Variants in PHF10 observed in about 807,000 individuals in gnomAD.
PHF10 encodes the protein BRG1-associated factor 45a.
A neutral mutation model predicts 68.5 loss-of-function variants in PHF10; 51 were observed. That is an observed-to-expected ratio of 0.74 (90% CI 0.59 to 0.94). The LOEUF (loss-of-function observed/expected upper bound fraction) is 0.94, where lower values mean the gene tolerates loss of function less well. Ranked by LOEUF, PHF10 falls within the 40% of genes least tolerant of loss-of-function variation. PHF10 has a pLI of 0.00. For synonymous variants in PHF10, 204 were observed against 203.5 expected (o/e 1.00, Z -0.02); for missense variants, 460 against 602.6 (o/e 0.76, Z 2.48).
At chr6:169,708,452 A>G (rs1788856144) in intron 9 of PHF10, 1 of 152,076 alleles carries the variant, frequency 6.6e-6, no homozygotes, top group Non-Finnish European at 1.5e-5. Context: ...GAAGTACCCT[A>G]ATATTTAGGC....
In PHF10 at chr6:169,707,893, G is replaced by C. The variant is rs572526787; in HGVS notation, c.1114-2169C>G. 4 of 152,158 alleles carry C rather than the reference G, an allele frequency of 2.6e-5. No homozygotes were observed. In the East Asian group the frequency reaches 5.8e-4, roughly 22 times the overall value. The allele number at this position is 152,158 out of a possible 1,614,324, so 9.4% of individuals were successfully genotyped here. On this transcript the variant is annotated intron_variant, in intron 9 of 11. Transcript: ENST00000339209. ...TTTTCTACGATGAATGCTGCAGCTC[G>C]ATATACAAAGCATCTGCCCTCTCTA...
intron 1 of PHF10, among the ~76,000 whole-genome samples, chr6:169,723,428 C>T (rs1365356652): frequency 6.6e-6 from 1 of 152,218 alleles, no homozygotes; most frequent in South Asian, 2.1e-4. Context: ...TATCGTTCGC[C>T]ACTCGGTTTT....
Position 169,718,938 on chromosome 6 carries a change from T to C in PHF10, c.195-20A>G, listed in dbSNP as rs779565679. ...CTAAAACTAAGTACAGAAATACATA[T>C]TATGCATTAAATGTAGCTTTCATTA... is the stretch of plus-strand genomic sequence containing the variant. On this transcript the variant is annotated intron_variant, in intron 2 of 11. Coordinates refer to ENST00000339209, the MANE Select transcript of PHF10 (RefSeq NM_018288.4). 9 of 1,468,064 alleles carry C rather than the reference T, an allele frequency of 6.1e-6. No homozygotes were observed. The highest frequency in any genetic ancestry group is 8.5e-6 in the Non-Finnish European group (9 of 1,055,000). The allele number at this position is 1,468,064 out of a possible 1,614,324, so 90.9% of individuals were successfully genotyped here.
chr6:169,706,753 C>T (rs1026602181), intron 9 of PHF10, among the ~76,000 whole-genome samples: 141 of 151,148 alleles, frequency 9.3e-4, no homozygotes, highest in Non-Finnish European at 1.7e-3. Context: ...CACACACACA[C>T]ACACACACAC....
chr6:169,723,098 G>GCACAC lies in PHF10; in HGVS notation c.87+746_87+747insGTGTG, dbSNP rs1447275515. On this transcript the variant is annotated intron_variant, in intron 1 of 11. Coordinates refer to ENST00000339209, the MANE Select transcript of PHF10 (RefSeq NM_018288.4). ...CCTGCCAACGCGCACACGGCACACC[G>GCACAC]CGCACCGCACGAAGGCTGGCTGGCT... Among the ~76,000 whole-genome samples the GCACAC allele has an allele frequency of 1.1e-4, 17 of 152,326 alleles. 1 individual carries two copies. Among genetic ancestry groups the GCACAC allele is most frequent in the South Asian group, 6.2e-4 (3 of 4,826 alleles).
Position 169,718,910 on chromosome 6 carries a change from TAACTAA to T in PHF10, c.197_202del (p.Phe66_Ser67del). ...CTCTATCAAGTTTTCTGCTGGATAG[TAACTAA>T]AACTAAGTACAGAAATACATATTAT... On this transcript the variant is annotated inframe_deletion and splice_region_variant, in exon 3 of 12. Coordinates refer to ENST00000339209, the MANE Select transcript of PHF10 (RefSeq NM_018288.4). The T allele has an allele frequency of 6.4e-6, 10 of 1,574,718 alleles. No individual in the cohort carries two copies. The highest frequency in any genetic ancestry group is 2.2e-5 in the East Asian group (1 of 44,576).
At position 169,724,059 on chromosome 6, in the gene PHF10, G is replaced by T. The variant is rs1789262558; in HGVS notation, c.-128C>A. 8.0e-6 allele frequency: 1 copy of T among 125,456 alleles called. No homozygotes were observed. The highest frequency in any genetic ancestry group is 1.7e-5 in the Non-Finnish European group (1 of 59,040). The allele number at this position is 125,456 out of a possible 1,614,324, so 7.8% of individuals were successfully genotyped here. A position where few individuals can be genotyped will look rare whatever the true frequency, so the allele number is the denominator to read the frequency against. On this transcript the variant is annotated 5_prime_UTR_variant, in exon 1 of 12. Transcript: ENST00000339209. ...CCGCCGCCCCGGCCCCGCCCCCTCCGCCCGCCCGCCCGGGGGCCGGCCCCT... is the reference window on the plus strand; with the variant it reads ...CCGCCGCCCCGGCCCCGCCCCCTCCTCCCGCCCGCCCGGGGGCCGGCCCCT...
chr6:169,710,146 A>G, intron 9 of PHF10, 90 bp downstream of exon 9: 1 of 950,596 alleles, frequency 1.1e-6, no homozygotes, highest in Non-Finnish European at 1.6e-6. Context: ...TACAGCAGGC[A>G]GAAGCTCCAC....
At chr6:169,713,429 T>C (rs1788970908) in intron 7 of PHF10, among the ~76,000 whole-genome samples, 2 of 151,732 alleles carry the variant, frequency 1.3e-5, no homozygotes, top group African/African-American at 4.8e-5. Context: ...TGAAACCCCG[T>C]CTCTACTAAA....
At chr6:169,722,577 A>T (rs913535242) in intron 1 of PHF10, among the ~76,000 whole-genome samples, 3 of 152,244 alleles carry the variant, frequency 2.0e-5, no homozygotes, top group African/African-American at 7.2e-5. Flanking sequence ...TTACTACTAC[A>T]AATTCTAGGC....
chr6:169,708,221 A>G (rs1489679104), intron 9 of PHF10: 3 of 152,226 alleles, frequency 2.0e-5, no homozygotes, highest in African/African-American at 7.2e-5. Flanking sequence ...ACAGCCAAAG[A>G]TAAGACTTTC....
At chr6:169,722,324 T>A (rs1039986466) in intron 1 of PHF10, among the ~76,000 whole-genome samples, 1 of 152,180 alleles carries the variant, frequency 6.6e-6, no homozygotes, top group Non-Finnish European at 1.5e-5. Flanking sequence ...CTCTGAAAAT[T>A]TGCATAAGTA....
In PHF10 at chr6:169,720,999, C is replaced by T; in HGVS notation, c.194+6G>A. ...AAAATATTAATAACCGATAAAATGACAGTACCCAAGATCTTGACTTGAAGT... is the reference window on the plus strand; with the variant it reads ...AAAATATTAATAACCGATAAAATGATAGTACCCAAGATCTTGACTTGAAGT... On this transcript the variant is annotated splice_donor_region_variant and intron_variant, in intron 2 of 11. Coordinates refer to ENST00000339209, the MANE Select transcript of PHF10 (RefSeq NM_018288.4). The T allele has an allele frequency of 6.8e-7, 1 of 1,464,590 alleles. No homozygotes were observed. The allele number at this position is 1,464,590 out of a possible 1,614,324, so 90.7% of individuals were successfully genotyped here.
chr6:169,704,288 G>T, intron 11 of PHF10, 200 bp from the exon 12 acceptor site: 1 of 512,180 alleles, frequency 2.0e-6, no homozygotes, highest in Non-Finnish European at 3.5e-6. Context: ...AAAATTCATT[G>T]CAAGTCAAGG....
At chr6:169,718,152 G>A (rs1439427817) in intron 3 of PHF10, among the ~76,000 whole-genome samples, 1 of 152,128 alleles carries the variant, frequency 6.6e-6, no homozygotes, top group African/African-American at 2.4e-5. Flanking sequence ...TACTAAACTA[G>A]TTCATGAGGA....
rs1206663921 is a variant in PHF10, at chr6:169,723,983, G to GGCCGCCGCCGCCGCC, written c.-53_-52insGGCGGCGGCGGCGGC. The GGCCGCCGCCGCCGCC allele has an allele frequency of 2.0e-6, 1 of 507,074 alleles. No homozygotes were observed. The highest frequency in any genetic ancestry group is 2.2e-5 in the African/African-American group (1 of 45,494). The allele number at this position is 507,074 out of a possible 1,614,324, so 31.4% of individuals were successfully genotyped here. A position where few individuals can be genotyped will look rare whatever the true frequency, so the allele number is the denominator to read the frequency against. On this transcript the variant is annotated 5_prime_UTR_variant, in exon 1 of 12. Transcript: ENST00000339209. Reference sequence around the variant, plus strand: ...GCCGCCGTCGCCTCCGCCTTGTCCCGGCCGCCGCCGCCGCTGCCGCCGCCG... The same window carrying GGCCGCCGCCGCCGCC: ...GCCGCCGTCGCCTCCGCCTTGTCCCGGCCGCCGCCGCCGCCGCCGCCGCCGCCGCTGCCGCCGCCG...
intron 9 of PHF10, 28 bp downstream of exon 9, chr6:169,710,208 A>T: frequency 6.5e-7 from 1 of 1,547,456 alleles, no homozygotes; most frequent in Non-Finnish European, 8.7e-7. Context: ...TCAGTAAAGA[A>T]GCTGAGTCAG....
intron 4 of PHF10, 32 bp from the exon 5 acceptor site, chr6:169,716,120 A>C (rs767709174): frequency 1.5e-5 from 22 of 1,458,440 alleles, no homozygotes; most frequent in Middle Eastern, 3.6e-4. Context: ...AAAAATAAAG[A>C]AGCTCTTTTA....
intron 8 of PHF10, among the ~76,000 whole-genome samples, chr6:169,711,904 A>G: frequency 6.6e-6 from 1 of 152,170 alleles, no homozygotes; most frequent in East Asian, 1.9e-4. Flanking sequence ...GAATACACCA[A>G]CTGCCCACTG....
Sources: allele counts gnomAD v4.1 joint callset (sites outside exome capture counted in the v4.1 genomes callset), GRCh38; gene constraint gnomAD v4.1.1; transcripts MANE v1.5; gene names NCBI Gene and HGNC (gene_info 2026-07-23, HGNC 2026-07-21).